Variants in SASH1 observed in about 807,000 individuals in gnomAD.
The protein encoded by SASH1 is SAM and SH3 domain-containing protein 1.
SASH1 carries 44 observed loss-of-function variants against 125.2 expected under a neutral mutation model. The observed-to-expected ratio is 0.35, with a 90% CI of 0.28 to 0.45. The LOEUF (loss-of-function observed/expected upper bound fraction) is 0.45. Ranked by LOEUF, SASH1 falls within the 20% of genes least tolerant of loss-of-function variation. SASH1 has a pLI of 1.00. For synonymous variants in SASH1, 639 were observed against 649.1 expected, an observed-to-expected ratio of 0.98 and a Z score of 0.24; for missense variants, 1,426 against 1,614.5, an observed-to-expected ratio of 0.88 and a Z score of 2.00.
rs536047835 is a variant in SASH1, at chr6:148,331,512, G to T, written n.75-58622G>T. Among the ~76,000 whole-genome samples, 3 of 152,124 alleles carry T rather than the reference G, an allele frequency of 2.0e-5. No individual in the cohort carries two copies. In the South Asian group the frequency reaches 6.2e-4, roughly 32 times the overall value. On this transcript the variant is annotated intron_variant and non_coding_transcript_variant, in intron 1 of 3. Transcript: ENST00000367469. Reference sequence around the variant, plus strand: ...GCCCCGCTAAGTTTTTGTATTTTCAGTAGAGACAGGGTTTCATCATGTTGG... The same window carrying T: ...GCCCCGCTAAGTTTTTGTATTTTCATTAGAGACAGGGTTTCATCATGTTGG...
At chr6:148,352,515 T>G (rs2495953) in intron 1 of SASH1, among the ~76,000 whole-genome samples, 72,935 of 151,480 alleles carry the variant, frequency 0.48, 17,714 homozygotes, top group South Asian at 0.57. Context: ...GAGGATTGCT[T>G]GAACCCAGGA....
rs544915499 is a variant in SASH1 at position 148,334,777 on chromosome 6, A to C, written n.75-55357A>C. Among the ~76,000 whole-genome samples, 10 of 151,386 alleles carry C rather than the reference A, an allele frequency of 6.6e-5. No individual in the cohort carries two copies. In the South Asian group the frequency reaches 2.1e-3, roughly 32 times the overall value. The stretch of plus-strand genomic sequence containing the variant: ...CAGTGAGCCGAGATCGCACCACTGC[A>C]CTCCAGCCTGGGCAACAGAGCAACA... On this transcript the variant is annotated intron_variant and non_coding_transcript_variant, in intron 1 of 3. Transcript: ENST00000367469.
the SASH1 span, among the ~76,000 whole-genome samples, chr6:148,254,963 A>G: frequency 6.6e-6 from 1 of 152,252 alleles, no homozygotes; most frequent in African/African-American, 2.4e-5. Flanking sequence ...CCAAATGTCC[A>G]TTAAATGATG....
rs1393240582 is a variant in SASH1, at chr6:148,519,641, C to T, written c.957C>T (p.Gly319=). ...ACAAGAAGCCCCTTTTCTTTGATGG[C>T]TCTCCTGAGAAACCTCCCGAAGATG... ...GVHKKPLFFD[G]SPEKPPEDDS... is the part of the protein sequence containing the mutation. The change falls in exon 10 of 20, where the codon GGC becomes GGT. Residue 319 remains glycine, a synonymous_variant. Transcript: ENST00000367467. The surrounding 1 kb of genome is among the most constrained non-coding windows in gnomAD (Gnocchi z 4.8). 1.2e-6 allele frequency: 2 copies of T among 1,614,150 alleles called. No individual in the cohort carries two copies. Among genetic ancestry groups the T allele is most frequent in the South Asian group, 1.1e-5 (1 of 91,076 alleles).
chr6:148,387,079 G>GTC (rs147664687), intron 1 of SASH1, among the ~76,000 whole-genome samples: 34,307 of 123,094 alleles, frequency 0.28, 4,314 homozygotes, highest in Middle Eastern at 0.34. Flanking sequence ...TTCTCCCTCT[G>GTC]TCTCTCTCTC....
chr6:148,453,432 C>T (rs1777195968), intron 4 of SASH1, among the ~76,000 whole-genome samples: 1 of 152,156 alleles, frequency 6.6e-6, no homozygotes, highest in Admixed American at 6.5e-5. Context: ...ATTAATTCTC[C>T]TACCAAATCT....
intron 1 of SASH1, among the ~76,000 whole-genome samples, chr6:148,326,347 TATATATATATGC>T (rs1344459066): frequency 1.1e-5 from 1 of 90,118 alleles, no homozygotes; most frequent in African/African-American, 4.2e-5. Context: ...TATATATATA[TATATATATATGC>T]ATATATATAT....
the SASH1 span, among the ~76,000 whole-genome samples, chr6:148,214,566 G>A: frequency 2.0e-5 from 3 of 152,110 alleles, no homozygotes; most frequent in Non-Finnish European, 4.4e-5. Context: ...TTCAATATGT[G>A]TTTTCTCTCA....
chr6:148,316,497 C>T (rs1467604974), intron 1 of SASH1, among the ~76,000 whole-genome samples: 3 of 152,220 alleles, frequency 2.0e-5, no homozygotes, highest in Non-Finnish European at 4.4e-5. Context: ...TTATTGACTT[C>T]GAACAGCACA....
At chr6:148,457,180 CCCG>C (rs1777399405) in intron 4 of SASH1, among the ~76,000 whole-genome samples, 1 of 151,660 alleles carries the variant, frequency 6.6e-6, no homozygotes, top group Non-Finnish European at 1.5e-5. Context: ...GGCCCCCTCC[CCCG>C]CCCCTTTTTT....
the SASH1 span, among the ~76,000 whole-genome samples, chr6:148,249,843 C>T: frequency 5.3e-5 from 8 of 152,036 alleles, no homozygotes; most frequent in East Asian, 1.9e-4. Flanking sequence ...GCCTGTGCAC[C>T]GCGGATTCTC....
At chr6:148,339,913 A>G (rs1474385941), upstream of SASH1, among the ~76,000 whole-genome samples, 3 of 152,188 alleles carry the variant, frequency 2.0e-5, no homozygotes, top group African/African-American at 7.2e-5. Context: ...ACCCTGAAAC[A>G]TACTATAACC....
At chr6:148,399,844 A>G (rs1359778036) in intron 2 of SASH1, among the ~76,000 whole-genome samples, 2 of 152,216 alleles carry the variant, frequency 1.3e-5, no homozygotes, top group Admixed American at 1.3e-4. Context: ...TTTTGGAGTC[A>G]GGACCATTCA....
intron 17 of SASH1, among the ~76,000 whole-genome samples, chr6:148,540,880 C>T (rs1782177065): frequency 1.3e-5 from 2 of 152,106 alleles, no homozygotes; most frequent in Non-Finnish European, 2.9e-5. Context: ...CCAGGTAGAC[C>T]ATCCATCAGG....
At chr6:148,325,017 T>G (rs910869082) in intron 1 of SASH1, among the ~76,000 whole-genome samples, 1 of 152,166 alleles carries the variant, frequency 6.6e-6, no homozygotes, top group Non-Finnish European at 1.5e-5. Context: ...CTTAGGCAAT[T>G]GTGTTAACTT....
intron 1 of SASH1, among the ~76,000 whole-genome samples, chr6:148,319,167 G>A (rs970523747): frequency 2.6e-5 from 4 of 150,998 alleles, no homozygotes; most frequent in Admixed American, 2.0e-4. Context: ...CGAGTAGCTG[G>A]GACCACAGGC....
intron 2 of SASH1, among the ~76,000 whole-genome samples, chr6:148,396,059 GC>G (rs1262648756): frequency 6.6e-6 from 1 of 152,132 alleles, no homozygotes; most frequent in African/African-American, 2.4e-5. Flanking sequence ...CAGCTTCTGT[GC>G]CAATTTGTTG....
At chr6:148,494,175 G>C (rs753420008) in intron 8 of SASH1, among the ~76,000 whole-genome samples, 1 of 152,128 alleles carries the variant, frequency 6.6e-6, no homozygotes, top group Non-Finnish European at 1.5e-5. Flanking sequence ...AATGTTTGCT[G>C]TGAAAGATCT....
chr6:148,357,952 C>T (rs372678300), intron 1 of SASH1, among the ~76,000 whole-genome samples: 1 of 149,950 alleles, frequency 6.7e-6, no homozygotes, highest in Non-Finnish European at 1.5e-5. Context: ...CCCAGCTACT[C>T]GGGAGGGTGC....
Sources: gnomAD v4.1 joint callset for allele counts (sites outside exome capture counted in the v4.1 genomes callset) on GRCh38, gnomAD v4.1.1 for gene constraint, Gnocchi (gnomAD v3.1) non-coding constraint, MANE v1.5 for transcripts, NCBI Gene and HGNC (gene_info 2026-07-23, HGNC 2026-07-21) for gene names.